The following CCSER1 variants were observed in gnomAD, a reference collection of about 807,000 sequenced individuals.
CCSER1 encodes serine-rich coiled-coil domain-containing protein 1.
In CCSER1, 41 loss-of-function variants were observed where a neutral mutation model predicts 82.0. That is an observed-to-expected ratio of 0.50 (90% confidence interval 0.39 to 0.65). CCSER1 has a LOEUF of 0.65. CCSER1 is among the 30% of genes least tolerant of loss of function. The pLI, the probability that CCSER1 is intolerant of heterozygous loss-of-function variation, is 0.00. For missense variants in CCSER1, 1,119 were observed against 1,064.2 expected, an observed-to-expected ratio of 1.05 and a Z score of -0.72; for synonymous variants, 414 against 383.9, an observed-to-expected ratio of 1.08 and a Z score of -0.92.
chr4:91,218,907 C>T (rs559642283), intron 10 of CCSER1, among the ~76,000 whole-genome samples: 328 of 152,260 alleles, frequency 2.2e-3, no homozygotes, highest in Non-Finnish European at 3.5e-3. Context: ...GTAATGTCAA[C>T]ACTAAATACG....
At chr4:90,383,437 G>A (rs1749526258) in intron 3 of CCSER1, among the ~76,000 whole-genome samples, 1 of 152,106 alleles carries the variant, frequency 6.6e-6, no homozygotes, top group Non-Finnish European at 1.5e-5. Flanking sequence ...TAGTAAAAAT[G>A]GTAGCATAAC....
chr4:90,663,102 TC>T (rs1731117952), intron 6 of CCSER1, among the ~76,000 whole-genome samples: 1 of 152,202 alleles, frequency 6.6e-6, no homozygotes, highest in Non-Finnish European at 1.5e-5. Flanking sequence ...TAAAATAACT[TC>T]CCTGTGCTTT....
At chr4:90,829,421 G>T (rs73833901) in intron 8 of CCSER1, among the ~76,000 whole-genome samples, 1,884 of 152,148 alleles carry the variant, frequency 0.012, 49 homozygotes, top group African/African-American at 0.043. Flanking sequence ...TAAAACATAA[G>T]TACAAATGAA....
rs192108447 is a variant in CCSER1, at chr4:90,246,866, T to G, written c.-41-61378T>G. Among the ~76,000 whole-genome samples, 1,038 of 152,282 alleles carry G rather than the reference T, an allele frequency of 6.8e-3. 9 individuals carry two copies. The highest frequency in any genetic ancestry group is 0.024 in the African/African-American group (1,005 of 41,564). Reference sequence around the variant, plus strand: ...TCTTAGCTAACCTCACTATAGGGTTTTTTTTTCTTTCTTTATTAGGTTGAG... The same window carrying G: ...TCTTAGCTAACCTCACTATAGGGTTGTTTTTTCTTTCTTTATTAGGTTGAG... On this transcript the variant is annotated intron_variant, in intron 1 of 10. Transcript: ENST00000509176.
At chr4:90,157,593 A>G (rs959151376) in intron 1 of CCSER1, among the ~76,000 whole-genome samples, 1 of 151,972 alleles carries the variant, frequency 6.6e-6, no homozygotes, top group African/African-American at 2.4e-5. Flanking sequence ...TTTTTTCTCT[A>G]AATTTCCCTT....
At chr4:91,556,788 G>A (rs1449557031) in intron 10 of CCSER1, among the ~76,000 whole-genome samples, 2 of 150,870 alleles carry the variant, frequency 1.3e-5, no homozygotes, top group Non-Finnish European at 3.0e-5. Context: ...TATAATTGGT[G>A]TAAATGCATT....
chr4:90,839,092 C>T, intron 8 of CCSER1: 3 of 1,378,392 alleles, frequency 2.2e-6, no homozygotes, highest in Non-Finnish European at 3.1e-6. Flanking sequence ...GTCTGGTCTG[C>T]GCAGTGGCCA....
At chr4:91,325,982 CTTTGT>C (rs1470393989) in intron 10 of CCSER1, among the ~76,000 whole-genome samples, 2 of 64,238 alleles carry the variant, frequency 3.1e-5, no homozygotes, top group South Asian at 5.2e-4. Flanking sequence ...GAAAGAGTAG[CTTTGT>C]TTTTTTTTTT....
intron 6 of CCSER1, among the ~76,000 whole-genome samples, chr4:90,709,423 A>G (rs1314306566): frequency 6.6e-6 from 1 of 150,984 alleles, no homozygotes; most frequent in Non-Finnish European, 1.5e-5. Context: ...TCTTCCTGAT[A>G]CTCTCTTCCC....
chr4:90,429,556 G>GT (rs1388420818), intron 4 of CCSER1, among the ~76,000 whole-genome samples: 4 of 151,778 alleles, frequency 2.6e-5, no homozygotes, highest in African/African-American at 9.7e-5. Context: ...TAGGAAAAGA[G>GT]TTTGTGATAG....
intron 4 of CCSER1, 71 bp from the exon 5 acceptor site, chr4:90,468,163 G>C: frequency 2.3e-6 from 3 of 1,300,914 alleles, no homozygotes; most frequent in Non-Finnish European, 3.1e-6. Context: ...ATATAGAAAG[G>C]GGAAAAAGGA....
chr4:90,502,307 AC>A (rs1560622364), intron 5 of CCSER1, among the ~76,000 whole-genome samples: 1 of 152,292 alleles, frequency 6.6e-6, no homozygotes, highest in East Asian at 1.9e-4. Context: ...GAAAGAGAGC[AC>A]AAGGGGAAGT....
chr4:91,523,711 G>A (rs192013553), intron 10 of CCSER1, among the ~76,000 whole-genome samples: 3 of 152,156 alleles, frequency 2.0e-5, no homozygotes, highest in East Asian at 3.9e-4. Context: ...CTGTGGGATC[G>A]ATGGTGATAT....
chr4:91,245,194 G>C (rs534875982), intron 10 of CCSER1, among the ~76,000 whole-genome samples: 3 of 152,222 alleles, frequency 2.0e-5, no homozygotes, highest in Non-Finnish European at 2.9e-5. Flanking sequence ...TTTTAAAGAG[G>C]AGGTAGAGAA....
intron 10 of CCSER1, among the ~76,000 whole-genome samples, chr4:91,172,202 C>A (rs1732836021): frequency 6.6e-6 from 1 of 152,068 alleles, no homozygotes; most frequent in African/African-American, 2.4e-5. Context: ...ACTCTAGATT[C>A]TATCATCTTA....
intron 10 of CCSER1, among the ~76,000 whole-genome samples, chr4:91,120,424 C>T (rs923671622): frequency 2.6e-5 from 4 of 151,948 alleles, no homozygotes; most frequent in Non-Finnish European, 4.4e-5. Context: ...TGATTTTCCA[C>T]CTCTTAGAGA....
intron 7 of CCSER1, among the ~76,000 whole-genome samples, chr4:90,797,970 A>T (rs575696360): frequency 6.6e-6 from 1 of 152,220 alleles, no homozygotes; most frequent in Admixed American, 6.5e-5. Flanking sequence ...ATCTTCTTAT[A>T]AAATGTGTTA....
chr4:91,430,211 A>G (rs1052984104), intron 10 of CCSER1, among the ~76,000 whole-genome samples: 2 of 152,078 alleles, frequency 1.3e-5, no homozygotes, highest in African/African-American at 4.8e-5. Context: ...GAATAGGGGG[A>G]AAAAAGCTAT....
chr4:90,816,199 A>G (rs1758991946), intron 8 of CCSER1, among the ~76,000 whole-genome samples: 1 of 152,242 alleles, frequency 6.6e-6, no homozygotes, highest in Non-Finnish European at 1.5e-5. Context: ...ATACAGATCT[A>G]TAATATAAAG....
Sources: allele counts gnomAD v4.1 joint callset (sites outside exome capture counted in the v4.1 genomes callset), GRCh38; gene constraint gnomAD v4.1.1; transcripts MANE v1.5; gene names NCBI Gene and HGNC (gene_info 2026-07-23, HGNC 2026-07-21).